RAB4B: variants seen among roughly 807,000 people sequenced by gnomAD.
The protein encoded by RAB4B is RAB4B, member RAS oncogene family.
A neutral mutation model predicts 28.3 loss-of-function variants in RAB4B; 15 were observed. That is an observed-to-expected ratio of 0.53 (90% CI 0.35 to 0.82). RAB4B has a LOEUF of 0.82. Among genes scored for constraint, RAB4B ranks in the 40% least tolerant of loss-of-function variants. The pLI, the probability that RAB4B is intolerant of heterozygous loss-of-function variation, is 0.01. For missense variants in RAB4B, 244 were observed against 288.5 expected (o/e 0.85, Z 1.12); for synonymous variants, 108 against 116.3 (o/e 0.93, Z 0.46).
chr19:40,793,816 CAG>C lies in RAB4B; in HGVS notation c.*16-2753_*16-2752del, dbSNP rs538952683. On this transcript the variant is annotated intron_variant, in intron 7 of 7. Transcript: ENST00000357052. ...GTGTGCTCCTGTAATCCCAGCTACT[CAG>C]GGGGCTGAGGCAGAGGAATAGCTTG... 4.7e-3 allele frequency among the ~76,000 whole-genome samples: 711 copies of C among 151,668 alleles called. 10 individuals carry two copies. The highest frequency in any genetic ancestry group is 0.016 in the African/African-American group (671 of 41,398).
chr19:40,795,861 C>T (rs2083205132), intron 7 of RAB4B, among the ~76,000 whole-genome samples: 2 of 152,094 alleles, frequency 1.3e-5, no homozygotes, highest in African/African-American at 4.8e-5. Context: ...GCATGTGCCA[C>T]CACACCTGGC....
rs1265328708 is a variant in RAB4B, at chr19:40,783,943, G to C, written c.298G>C (p.Ala100Pro). The change falls in exon 5 of 8, where the codon GCT (alanine) becomes CCT (proline). Residue 100 changes from alanine to proline, a missense_variant. Ala to Pro is a conservative substitution (Grantham distance 27). Coordinates refer to ENST00000357052, the MANE Select transcript of RAB4B (RefSeq NM_016154.5). The part of the protein sequence containing the change: ...ITSRETYNSL[A>P]AWLTDARTLA... Reference sequence around the variant, plus strand: ...CAGCCGGGAGACATACAACTCACTGGCTGCCTGGCTGACGGATGCCCGCAC... The same window carrying C: ...CAGCCGGGAGACATACAACTCACTGCCTGCCTGGCTGACGGATGCCCGCAC... The C allele has an allele frequency of 6.2e-7, 1 of 1,611,998 alleles. No individual in the cohort carries two copies. The highest frequency in any genetic ancestry group is 1.1e-5 in the South Asian group (1 of 90,928).
At chr19:40,788,789 T>C (rs1279173935) in intron 7 of RAB4B, among the ~76,000 whole-genome samples, 5 of 116,704 alleles carry the variant, frequency 4.3e-5, no homozygotes, top group East Asian at 4.5e-4. Flanking sequence ...GGTTTCTTTT[T>C]TTTTTTTTTT....
intron 7 of RAB4B, among the ~76,000 whole-genome samples, chr19:40,789,922 A>G (rs1253068091): frequency 6.6e-6 from 1 of 152,182 alleles, no homozygotes; most frequent in Non-Finnish European, 1.5e-5. Flanking sequence ...AGAGCACAGC[A>G]ACGCTTCTAG....
intron 7 of RAB4B, among the ~76,000 whole-genome samples, chr19:40,793,923 CACAAAA>C (rs1252398400): frequency 1.3e-5 from 2 of 151,580 alleles, no homozygotes; most frequent in African/African-American, 2.4e-5. Context: ...GACTCCGTCT[CACAAAA>C]ACAAAAACAA....
intron 1 of RAB4B, chr19:40,779,057 T>A (rs2083023085): frequency 1.0e-6 from 1 of 981,780 alleles, no homozygotes; most frequent in Non-Finnish European, 1.2e-6. Context: ...GACCCTGAGG[T>A]GAGAACCAGC....
At chr19:40,781,176 A>G (rs2145038799) in intron 3 of RAB4B, among the ~76,000 whole-genome samples, 1 of 150,820 alleles carries the variant, frequency 6.6e-6, no homozygotes, top group South Asian at 2.1e-4. Context: ...GATGCTAGCT[A>G]CTTGGGAGGC....
chr19:40,783,370 T>C (rs2083068795), intron 3 of RAB4B, among the ~76,000 whole-genome samples: 1 of 150,472 alleles, frequency 6.6e-6, no homozygotes, highest in Non-Finnish European at 1.5e-5. Flanking sequence ...ATACTGAGCC[T>C]AGGAGGTCGA....
intron 5 of RAB4B, chr19:40,786,305 T>A: frequency 3.7e-6 from 1 of 267,954 alleles, no homozygotes; most frequent in Non-Finnish European, 7.1e-6. Flanking sequence ...GGGTCAGGGG[T>A]GGGATGGGGA....
chr19:40,793,022 C>T (rs1247721905), intron 7 of RAB4B, among the ~76,000 whole-genome samples: 1 of 152,100 alleles, frequency 6.6e-6, no homozygotes, highest in Non-Finnish European at 1.5e-5. Flanking sequence ...GGTGATCCAC[C>T]CGCCTCGGTC....
chr19:40,781,250 G>A (rs892729209), intron 3 of RAB4B, among the ~76,000 whole-genome samples: 1 of 150,996 alleles, frequency 6.6e-6, no homozygotes, highest in Non-Finnish European at 1.5e-5. Flanking sequence ...TCGCACCACT[G>A]CACCCCAGCC....
At chr19:40,780,997 C>A (rs2083041247) in intron 3 of RAB4B, among the ~76,000 whole-genome samples, 1 of 151,142 alleles carries the variant, frequency 6.6e-6, no homozygotes, top group Non-Finnish European at 1.5e-5. Flanking sequence ...GTAAGGAGGC[C>A]TGGCACGGTG....
At chr19:40,795,110 A>G (rs2083197270) in intron 7 of RAB4B, among the ~76,000 whole-genome samples, 1 of 148,016 alleles carries the variant, frequency 6.8e-6, no homozygotes, top group South Asian at 2.2e-4. Flanking sequence ...CGGAGCTTGC[A>G]GTGAGCCTAG....
chr19:40,790,058 AGGGCCTGT>A (rs1430246851), intron 7 of RAB4B, among the ~76,000 whole-genome samples: 2 of 152,184 alleles, frequency 1.3e-5, no homozygotes, highest in African/African-American at 4.8e-5. Context: ...CAGATCAGTT[AGGGCCTGT>A]GGGCCCTGGG....
Position 40,778,289 on chromosome 19 carries a change from G to A in RAB4B, c.-87G>A. On this transcript the variant is annotated 5_prime_UTR_variant, in exon 1 of 8. Coordinates refer to ENST00000357052, the MANE Select transcript of RAB4B (RefSeq NM_016154.5). ...GCCCGGGGAGTAGGAAGGAGCCGGG[G>A]CTGTAGCCGGAGTGGAGCGGCTGCC... 2 of 1,336,706 alleles carry A rather than the reference G, an allele frequency of 1.5e-6. No individual in the cohort carries two copies. Among genetic ancestry groups the A allele is most frequent in the East Asian group, 2.9e-5 (1 of 34,104 alleles). The allele number at this position is 1,336,706 out of a possible 1,614,324, so 82.8% of individuals were successfully genotyped here. A position where few individuals can be genotyped will look rare whatever the true frequency, so the allele number is the denominator to read the frequency against.
chr19:40,786,624 G>T, intron 5 of RAB4B, 41 bp from the exon 6 acceptor site: 1 of 1,611,258 alleles, frequency 6.2e-7, no homozygotes, highest in African/African-American at 1.3e-5. Context: ...GGAGGGTGGG[G>T]ACTAACTGGG....
At chr19:40,792,642 T>C (rs1185253784) in intron 7 of RAB4B, 1 of 152,260 alleles carries the variant, frequency 6.6e-6, no homozygotes, top group Non-Finnish European at 1.5e-5. Context: ...CAGTATTCTT[T>C]CGTTTCTTGG....
At chr19:40,788,655 C>T (rs1355169316) in intron 7 of RAB4B, among the ~76,000 whole-genome samples, 1 of 149,720 alleles carries the variant, frequency 6.7e-6, no homozygotes, top group East Asian at 1.9e-4. Flanking sequence ...GGCGTGATCT[C>T]GGCTCACTGA....
chr19:40,778,338 G>A lies in RAB4B; in HGVS notation c.-38G>A, dbSNP rs778832063. On this transcript the variant is annotated 5_prime_UTR_variant, in exon 1 of 8. Coordinates refer to ENST00000357052, the MANE Select transcript of RAB4B (RefSeq NM_016154.5). Reference sequence around the variant, plus strand: ...CCAGCCGAGGAGCAGGCGCGGCCGCGGCGCCATATTGCGGCCCTCAGCGGC... The same window carrying A: ...CCAGCCGAGGAGCAGGCGCGGCCGCAGCGCCATATTGCGGCCCTCAGCGGC... The A allele has an allele frequency of 1.1e-4, 159 of 1,492,982 alleles. 1 individual carries two copies. In the East Asian group the frequency reaches 4.3e-3, roughly 40 times the overall value. 92.5% of individuals were successfully genotyped at this position (1,492,982 alleles called of 1,614,324 possible).
Sources: allele counts gnomAD v4.1 joint callset (sites outside exome capture counted in the v4.1 genomes callset), GRCh38; gene constraint gnomAD v4.1.1; transcripts MANE v1.5; gene names NCBI Gene and HGNC (gene_info 2026-07-23, HGNC 2026-07-21).